WLS: variants seen among roughly 807,000 people sequenced by gnomAD.
WLS encodes the protein protein wntless homolog.
WLS carries 23 observed loss-of-function variants against 62.8 expected under a neutral mutation model. The ratio of observed to expected loss-of-function variants is 0.37; its 90% CI spans 0.26 to 0.52. The LOEUF (loss-of-function observed/expected upper bound fraction) is 0.52, where lower values mean the gene tolerates loss of function less well. Among genes scored for constraint, WLS ranks in the 20% least tolerant of loss-of-function variants. The probability of loss-of-function intolerance (pLI) is 0.92; values close to 1 mark genes in which losing one functional copy is unlikely to be tolerated. For synonymous variants in WLS, 246 were observed against 244.1 expected, an observed-to-expected ratio of 1.01 and a Z score of -0.07; for missense variants, 615 against 697.3, an observed-to-expected ratio of 0.88 and a Z score of 1.33.
chr1:68,141,267 C>A (rs1000690491), intron 10 of WLS, among the ~76,000 whole-genome samples: 1 of 152,110 alleles, frequency 6.6e-6, no homozygotes, highest in Admixed American at 6.5e-5. Context: ...CACAAAAGAG[C>A]TGGGGACAGG....
intron 2 of WLS, among the ~76,000 whole-genome samples, chr1:68,173,314 A>C (rs1403375429): frequency 6.6e-6 from 1 of 152,074 alleles, no homozygotes; most frequent in Non-Finnish European, 1.5e-5. Flanking sequence ...TGAGGAAAAC[A>C]CACAGTGGGT....
At chr1:68,222,479 C>T (rs1194901842) in intron 1 of WLS, among the ~76,000 whole-genome samples, 2 of 152,070 alleles carry the variant, frequency 1.3e-5, no homozygotes, top group Non-Finnish European at 2.9e-5. Flanking sequence ...AAAAATCAAT[C>T]GAGCTATAAG....
At chr1:68,106,606 G>A (rs1453837064) in intron 11 of WLS, among the ~76,000 whole-genome samples, 1 of 152,176 alleles carries the variant, frequency 6.6e-6, no homozygotes, top group Non-Finnish European at 1.5e-5. Flanking sequence ...ACTGTTCAAT[G>A]GTGGCAGACA....
At chr1:68,127,226 T>G (rs1190839134) in intron 11 of WLS, 1 of 216,208 alleles carries the variant, frequency 4.6e-6, no homozygotes, top group African/African-American at 2.4e-5. Flanking sequence ...ACAAAGCATC[T>G]ATGTCACGTG....
chr1:68,106,308 C>G (rs191500911), intron 11 of WLS, among the ~76,000 whole-genome samples: 1 of 152,060 alleles, frequency 6.6e-6, no homozygotes, highest in Non-Finnish European at 1.5e-5. Flanking sequence ...GAGGAGATGC[C>G]GAGGCTGGGT....
intron 2 of WLS, among the ~76,000 whole-genome samples, chr1:68,183,775 C>T (rs1286538447): frequency 6.6e-6 from 1 of 152,044 alleles, no homozygotes; most frequent in African/African-American, 2.4e-5. Flanking sequence ...AGTCAACATT[C>T]TCCCAGGACA....
chr1:68,232,084 TA>T, intron 1 of WLS, 109 bp downstream of exon 1: 1 of 1,435,858 alleles, frequency 7.0e-7, no homozygotes, highest in Non-Finnish European at 9.6e-7. Flanking sequence ...CCGGACTAAT[TA>T]GATCATAGAA....
chr1:68,159,077 T>A, intron 3 of WLS, 46 bp downstream of exon 3: 1 of 1,610,184 alleles, frequency 6.2e-7, no homozygotes, highest in Non-Finnish European at 8.5e-7. Flanking sequence ...TCCACATACC[T>A]GAGAACCAAA....
intron 11 of WLS, among the ~76,000 whole-genome samples, chr1:68,137,290 A>G (rs571579967): frequency 6.6e-6 from 1 of 152,222 alleles, no homozygotes; most frequent in South Asian, 2.1e-4. Flanking sequence ...AACTGGGGAC[A>G]GGAGAATAGC....
intron 4 of WLS, among the ~76,000 whole-genome samples, chr1:68,154,342 A>G (rs974365758): frequency 3.9e-5 from 6 of 152,226 alleles, no homozygotes; most frequent in Non-Finnish European, 7.3e-5. Context: ...TTTTCATTAG[A>G]AAGTTGCAGA....
chr1:68,200,247 C>T (rs1350545269), intron 1 of WLS, among the ~76,000 whole-genome samples: 1 of 152,130 alleles, frequency 6.6e-6, no homozygotes, highest in African/African-American at 2.4e-5. Context: ...GTAGCAGATA[C>T]TTTCTCCTAC....
At chr1:68,139,679 C>G (rs1483770360) in intron 10 of WLS, among the ~76,000 whole-genome samples, 1 of 152,180 alleles carries the variant, frequency 6.6e-6, no homozygotes, top group Non-Finnish European at 1.5e-5. Flanking sequence ...TTGATTCTTG[C>G]TAGGATTGAC....
intron 1 of WLS, among the ~76,000 whole-genome samples, chr1:68,213,291 A>G (rs994937900): frequency 4.1e-4 from 62 of 151,996 alleles, no homozygotes; most frequent in Non-Finnish European, 8.2e-4. Context: ...TCTCTACTAA[A>G]TATACAAAAA....
At chr1:68,226,641 C>T (rs944955250) in intron 1 of WLS, among the ~76,000 whole-genome samples, 5 of 151,996 alleles carry the variant, frequency 3.3e-5, no homozygotes, top group African/African-American at 9.7e-5. Flanking sequence ...ACTTAGATGA[C>T]GAGGGGCTCT....
At chr1:68,138,281 C>T (rs1646639222) in intron 10 of WLS, 1 of 221,824 alleles carries the variant, frequency 4.5e-6, no homozygotes, top group Non-Finnish European at 8.9e-6. Context: ...TCCTCCTCTG[C>T]TGTCTGTCTT....
chr1:68,216,853 G>C (rs1333807833), intron 1 of WLS, among the ~76,000 whole-genome samples: 1 of 152,044 alleles, frequency 6.6e-6, no homozygotes, highest in African/African-American at 2.4e-5. Context: ...AGTATACAGG[G>C]GTCCTATTAG....
intron 5 of WLS, among the ~76,000 whole-genome samples, chr1:68,151,667 A>G (rs1007173666): frequency 6.6e-5 from 10 of 152,168 alleles, no homozygotes; most frequent in African/African-American, 1.2e-4. Flanking sequence ...TAAGGTGGAC[A>G]GACGAAGAGA....
In WLS at chr1:68,188,105, G is replaced by C. The variant is rs973194020; in HGVS notation, c.379+5850C>G. The stretch of plus-strand genomic sequence containing the variant: ...AAAACGGAACCTGTGGCAAGTACCT[G>C]CCCAAGTGTCAGACTATGCTCTAAA... On this transcript the variant is annotated intron_variant, in intron 2 of 11. Transcript: ENST00000262348. Among the ~76,000 whole-genome samples the C allele has an allele frequency of 2.0e-5, 3 of 152,166 alleles. No individual in the cohort carries two copies. The East Asian group carries it at 5.8e-4, about 29-fold the overall frequency.
Position 68,227,716 on chromosome 1 carries a change from T to G in WLS, c.106+4478A>C, listed in dbSNP as rs9662636. ...AAGCAGAATTGAATACAGAAAAATA[T>G]GACTTAACATCAACCAAAAACCAAT... On this transcript the variant is annotated intron_variant, in intron 1 of 11. Transcript: ENST00000262348. Among the ~76,000 whole-genome samples the G allele has an allele frequency of 4.4e-3, 667 of 152,196 alleles. 7 individuals are homozygous for G. Among genetic ancestry groups the G allele is most frequent in the African/African-American group, 0.015 (636 of 41,536 alleles).
Sources: gnomAD v4.1 joint callset for allele counts (sites outside exome capture counted in the v4.1 genomes callset) on GRCh38, gnomAD v4.1.1 for gene constraint, MANE v1.5 for transcripts, NCBI Gene and HGNC (gene_info 2026-07-23, HGNC 2026-07-21) for gene names.